FBXW2: variants seen among roughly 807,000 people sequenced by gnomAD.
The protein encoded by FBXW2 is F-box and WD repeat domain containing 2, also known as F-box/WD repeat-containing protein 2.
FBXW2 carries 12 observed loss-of-function variants against 46.0 expected under a neutral mutation model. The observed-to-expected ratio is 0.26, with a 90% CI of 0.17 to 0.42. The LOEUF is 0.42. FBXW2 is among the 10% of genes least tolerant of loss of function. The pLI is 1.00. For synonymous variants in FBXW2, 203 were observed against 209.6 expected, an observed-to-expected ratio of 0.97 and a Z score of 0.27; for missense variants, 360 against 537.0, an observed-to-expected ratio of 0.67 and a Z score of 3.26.
At position 120,765,042 on chromosome 9, in the gene FBXW2, G is replaced by A. The variant is rs183282248; in HGVS notation, c.1077-195C>T. ...AAAAAGCCGGGAGCGGGAGAGGTGC[G>A]TTCAGTCATTATATAATATTGGCAT... On this transcript the variant is annotated intron_variant, in intron 7 of 7. Transcript: ENST00000608872. 2.8e-4 allele frequency among the ~76,000 whole-genome samples: 42 copies of A among 151,550 alleles called. 1 individual carries two copies. Among genetic ancestry groups the A allele is most frequent in the Admixed American group, 2.5e-3 (38 of 15,220 alleles).
intron 3 of FBXW2, among the ~76,000 whole-genome samples, chr9:120,787,568 T>C (rs1261045370): frequency 6.6e-6 from 1 of 152,046 alleles, no homozygotes. Context: ...GTTTTTCTCA[T>C]AAAATTTTAT....
intron 2 of FBXW2, among the ~76,000 whole-genome samples, chr9:120,790,290 C>A (rs2044808885): frequency 6.6e-6 from 1 of 152,160 alleles, no homozygotes; most frequent in South Asian, 2.1e-4. Context: ...CGAGATCATC[C>A]TGGCTAACAC....
At chr9:120,775,597 T>C (rs1045512102) in intron 5 of FBXW2, among the ~76,000 whole-genome samples, 3 of 152,178 alleles carry the variant, frequency 2.0e-5, no homozygotes, top group Non-Finnish European at 2.9e-5. Flanking sequence ...ACAACAATCT[T>C]GTTTTTTTTA....
At chr9:120,791,732 G>A (rs1044402531) in intron 2 of FBXW2, among the ~76,000 whole-genome samples, 57 of 152,076 alleles carry the variant, frequency 3.7e-4, no homozygotes, top group Admixed American at 2.4e-3. Flanking sequence ...CTTACTAGGG[G>A]TTTAATTTTA....
chr9:120,776,098 T>C lies in FBXW2; in HGVS notation c.814A>G (p.Thr272Ala). 6.2e-7 allele frequency: 1 copy of C among 1,613,670 alleles called. No homozygotes were observed. Among genetic ancestry groups the C allele is most frequent in the South Asian group, 1.1e-5 (1 of 90,974 alleles). Residue 272 changes from threonine to alanine, a missense_variant, in exon 5 of 8, where the codon ACC (threonine) becomes GCC (alanine). By Grantham distance (58) the Thr-to-Ala change is moderately conservative. Coordinates refer to ENST00000608872, the MANE Select transcript of FBXW2 (RefSeq NM_012164.4). ...NTLTGHTEWV[T>A]KVVLQKCKVK... is the part of the protein sequence containing the mutation. ...CTTCTTCCAAGTCTTCCTACCTTGG[T>C]GACCCATTCCGTGTGCCCGGTGAGT... is the stretch of plus-strand genomic sequence containing the variant.
chr9:120,777,561 G>A (rs2044523357), intron 4 of FBXW2, among the ~76,000 whole-genome samples: 1 of 152,206 alleles, frequency 6.6e-6, no homozygotes, highest in African/African-American at 2.4e-5. Flanking sequence ...TGTTAAGGGA[G>A]TTTTGGAAGG....
At chr9:120,768,653 G>A (rs186635021) in intron 7 of FBXW2, among the ~76,000 whole-genome samples, 174 of 151,972 alleles carry the variant, frequency 1.1e-3, no homozygotes, top group African/African-American at 3.4e-3. Context: ...AAACCCCATC[G>A]CTACTAAAAA....
In FBXW2 at chr9:120,793,397, A is replaced by G; in HGVS notation, c.-173T>C. Reference sequence around the variant, plus strand: ...CTCCCGGTCCGCAGCCTCACAGGGGAGCGGCTTCCGGTGCTGCCTGCGTCA... The same window carrying G: ...CTCCCGGTCCGCAGCCTCACAGGGGGGCGGCTTCCGGTGCTGCCTGCGTCA... On this transcript the variant is annotated 5_prime_UTR_variant, in exon 1 of 8. Transcript: ENST00000608872. The G allele has an allele frequency of 2.5e-6, 1 of 399,826 alleles. No individual in the cohort carries two copies. Among genetic ancestry groups the G allele is most frequent in the Non-Finnish European group, 4.4e-6 (1 of 227,012 alleles). 24.8% of individuals were successfully genotyped at this position (399,826 alleles called of 1,614,324 possible). A position where few individuals can be genotyped will look rare whatever the true frequency, so the allele number is the denominator to read the frequency against.
intron 3 of FBXW2, among the ~76,000 whole-genome samples, chr9:120,782,693 T>C (rs1313593596): frequency 6.6e-6 from 1 of 151,886 alleles, no homozygotes; most frequent in Non-Finnish European, 1.5e-5. Flanking sequence ...AATACAAAAA[T>C]TAGCTGGGCA....
chr9:120,781,677 T>TATACAC (rs1411009189), intron 3 of FBXW2, among the ~76,000 whole-genome samples: 1 of 119,342 alleles, frequency 8.4e-6, no homozygotes, highest in African/African-American at 2.9e-5. Context: ...CACACACACA[T>TATACAC]ACACACACAC....
intron 5 of FBXW2, 90 bp downstream of exon 5, chr9:120,776,003 C>T (rs759358090): frequency 6.7e-7 from 1 of 1,489,334 alleles, no homozygotes; most frequent in Admixed American, 2.0e-5. Context: ...TCTTATGACT[C>T]ACCTAACACT....
intron 6 of FBXW2, among the ~76,000 whole-genome samples, chr9:120,772,228 C>T (rs750300294): frequency 3.3e-5 from 5 of 151,980 alleles, no homozygotes; most frequent in Non-Finnish European, 5.9e-5. Context: ...GGCGTGGTGG[C>T]TCATGCCTGT....
Position 120,772,672 on chromosome 9 carries a change from C to T in FBXW2, c.906+82G>A, listed in dbSNP as rs1034751366. On this transcript the variant is annotated intron_variant, in intron 6 of 7. Transcript: ENST00000608872. ...CTCCCCCTCCTCTTCCTAGAATGTT[C>T]ACCCTTTGCCATACCACTTTCATTT... is the stretch of plus-strand genomic sequence containing the variant. The T allele has an allele frequency of 6.9e-6, 6 of 875,698 alleles. No homozygotes were observed. In the Admixed American group the frequency reaches 1.9e-4, roughly 28 times the overall value. 54.2% of individuals were successfully genotyped at this position (875,698 alleles called of 1,614,324 possible). A position where few individuals can be genotyped will look rare whatever the true frequency, so the allele number is the denominator to read the frequency against.
At chr9:120,786,825 T>C (rs1489614697) in intron 3 of FBXW2, among the ~76,000 whole-genome samples, 2 of 152,218 alleles carry the variant, frequency 1.3e-5, no homozygotes, top group African/African-American at 2.4e-5. Context: ...GTTATAATCA[T>C]ATACAGAAAC....
chr9:120,768,717 G>A (rs1359207500), intron 7 of FBXW2, among the ~76,000 whole-genome samples: 1 of 152,060 alleles, frequency 6.6e-6, no homozygotes, highest in African/African-American at 2.4e-5. Flanking sequence ...AGCTACTCGG[G>A]AGGCTGAGGC....
In FBXW2 at chr9:120,759,458, T is replaced by C. The variant is rs1365107429; in HGVS notation, c.*5101A>G. On this transcript the variant is annotated 3_prime_UTR_variant, in exon 8 of 8. Transcript: ENST00000608872. ...CCCCCTACCCCACACAGTTCAAATA[T>C]AAACTTTATCTCATGCCCTCTAAAT... The C allele has an allele frequency of 6.6e-6, 1 of 152,194 alleles. No homozygotes were observed. The highest frequency in any genetic ancestry group is 1.9e-4 in the East Asian group (1 of 5,208). The allele number at this position is 152,194 out of a possible 1,614,324, so 9.4% of individuals were successfully genotyped here.
At chr9:120,770,221 A>G (rs1196320426) in intron 7 of FBXW2, among the ~76,000 whole-genome samples, 1 of 152,100 alleles carries the variant, frequency 6.6e-6, no homozygotes, top group Non-Finnish European at 1.5e-5. Context: ...CTAAAAATAC[A>G]AAAAATTAGC....
At chr9:120,774,076 C>T (rs1000923462) in intron 5 of FBXW2, among the ~76,000 whole-genome samples, 2 of 152,064 alleles carry the variant, frequency 1.3e-5, no homozygotes, top group African/African-American at 4.8e-5. Context: ...TGGCTCACGC[C>T]TGTAATCTCA....
At chr9:120,766,760 T>C (rs2044283591) in intron 7 of FBXW2, among the ~76,000 whole-genome samples, 1 of 152,336 alleles carries the variant, frequency 6.6e-6, no homozygotes, top group South Asian at 2.1e-4. Flanking sequence ...GCACCCAGCG[T>C]GTTATCTCAA....
Sources: gnomAD v4.1 joint callset for allele counts (sites outside exome capture counted in the v4.1 genomes callset) on GRCh38, gnomAD v4.1.1 for gene constraint, MANE v1.5 for transcripts, NCBI Gene and HGNC (gene_info 2026-07-23, HGNC 2026-07-21) for gene names.